The following TYW1B variants were observed in gnomAD, a reference collection of about 807,000 sequenced individuals.
TYW1B encodes the protein S-adenosyl-L-methionine-dependent tRNA 4-demethylwyosine synthase TYW1B.
A neutral mutation model predicts 86.9 loss-of-function variants in TYW1B; 73 were observed. That is an observed-to-expected ratio of 0.84 (90% CI 0.70 to 1.02). TYW1B has a LOEUF of 1.02. TYW1B is among the 50% of genes least tolerant of loss of function. The probability of loss-of-function intolerance (pLI) is 0.00; values close to 1 mark genes in which losing one functional copy is unlikely to be tolerated. For synonymous variants in TYW1B, 248 were observed against 292.8 expected (o/e 0.85, Z 1.56); for missense variants, 637 against 827.4 (o/e 0.77, Z 2.82).
intron 13 of TYW1B, among the ~76,000 whole-genome samples, chr7:72,582,600 AAC>A (rs1811181227): frequency 6.6e-6 from 1 of 152,210 alleles, no homozygotes; most frequent in African/African-American, 2.4e-5. Context: ...AATTTTAGGA[AAC>A]ACGGGATCCC....
At chr7:72,614,142 T>C (rs1363308857) in intron 13 of TYW1B, among the ~76,000 whole-genome samples, 4 of 152,148 alleles carry the variant, frequency 2.6e-5, no homozygotes, top group Admixed American at 6.6e-5. Flanking sequence ...CTTTGTTCTA[T>C]TTTTATCATT....
chr7:72,776,404 C>A (rs1409734946), intron 7 of TYW1B, among the ~76,000 whole-genome samples: 1 of 150,804 alleles, frequency 6.6e-6, no homozygotes, highest in African/African-American at 2.4e-5. Context: ...GCCAACATGG[C>A]GAAAAAATTA....
chr7:72,728,658 A>G (rs1469968745), intron 9 of TYW1B, among the ~76,000 whole-genome samples, 164 bp downstream of exon 9: 1 of 152,186 alleles, frequency 6.6e-6, no homozygotes, highest in Non-Finnish European at 1.5e-5. Context: ...GGGAAGTAAA[A>G]GCTAAAAAGG....
chr7:72,669,259 C>T (rs1813538326), intron 11 of TYW1B, among the ~76,000 whole-genome samples: 1 of 147,580 alleles, frequency 6.8e-6, no homozygotes, highest in Admixed American at 7.1e-5. Context: ...ATTCTCCTGC[C>T]TCAGCCTCCC....
chr7:72,622,642 T>G (rs1193797562), intron 12 of TYW1B, among the ~76,000 whole-genome samples: 5 of 151,436 alleles, frequency 3.3e-5, no homozygotes, highest in African/African-American at 1.2e-4. Context: ...CACACACACA[T>G]ACAGACACAT....
At chr7:72,632,422 TAA>T (rs1491572461) in intron 11 of TYW1B, among the ~76,000 whole-genome samples, 6,572 of 109,482 alleles carry the variant, frequency 0.06, 435 homozygotes, top group African/African-American at 0.12. Flanking sequence ...CATATATATA[TAA>T]AATATATATA....
intron 6 of TYW1B, among the ~76,000 whole-genome samples, chr7:72,795,544 A>G (rs1230969497): frequency 5.9e-5 from 9 of 152,170 alleles, no homozygotes; most frequent in African/African-American, 2.2e-4. Flanking sequence ...GTGTCTTGCT[A>G]TACATCTTAT....
intron 4 of TYW1B, among the ~76,000 whole-genome samples, chr7:72,809,717 A>G (rs797035290): frequency 5.9e-5 from 9 of 152,102 alleles, no homozygotes; most frequent in African/African-American, 1.9e-4. Flanking sequence ...GAGCTTGGGC[A>G]GGCTGGGCAT....
At chr7:72,774,062 CA>C (rs35480783) in intron 7 of TYW1B, among the ~76,000 whole-genome samples, 10,007 of 54,786 alleles carry the variant, frequency 0.18, 577 homozygotes, top group East Asian at 0.43. Flanking sequence ...AACTCCATCT[CA>C]AAAAAAAAAA....
intron 7 of TYW1B, among the ~76,000 whole-genome samples, chr7:72,776,620 G>A (rs560455249): frequency 7.7e-6 from 1 of 129,336 alleles, no homozygotes; most frequent in East Asian, 2.5e-4. Context: ...TAACAAAAAT[G>A]TTATTGCTAG....
At chr7:72,800,232 A>G (rs1192680631) in intron 6 of TYW1B, among the ~76,000 whole-genome samples, 2 of 151,828 alleles carry the variant, frequency 1.3e-5, no homozygotes, top group Non-Finnish European at 2.9e-5. Flanking sequence ...AGGTCTCCCA[A>G]TGTCATGCAG....
At chr7:72,749,484 G>A (rs569128892) in intron 7 of TYW1B, among the ~76,000 whole-genome samples, 3 of 152,140 alleles carry the variant, frequency 2.0e-5, no homozygotes, top group East Asian at 1.9e-4. Flanking sequence ...TAGTAGAGAC[G>A]GGGTTCACTG....
intron 11 of TYW1B, among the ~76,000 whole-genome samples, chr7:72,683,199 C>T (rs572189890): frequency 6.6e-6 from 1 of 152,270 alleles, no homozygotes; most frequent in East Asian, 1.9e-4. Flanking sequence ...ACACTCTAGC[C>T]AACCTGTCCC....
intron 9 of TYW1B, among the ~76,000 whole-genome samples, chr7:72,728,232 A>T (rs1331426107): frequency 6.6e-6 from 1 of 152,248 alleles, no homozygotes; most frequent in African/African-American, 2.4e-5. Context: ...AAAGGTTTCT[A>T]GGAAGATTGA....
At chr7:72,810,404 A>G (rs6960315) in intron 4 of TYW1B, 67 bp downstream of exon 4, 5 of 1,501,830 alleles carry the variant, frequency 3.3e-6, no homozygotes, top group Non-Finnish European at 4.5e-6. Flanking sequence ...GTGTGTGTGT[A>G]CGTGTGTGTG....
rs1261924265 is a variant in TYW1B, at chr7:72,792,259, G to A, written c.846+10141C>T. Reference sequence around the variant, plus strand: ...GGAGAATCACTTGAAACTGGGAGGCGGAAGTTGCAGTGGGCCGAGATCACA... The same window carrying A: ...GGAGAATCACTTGAAACTGGGAGGCAGAAGTTGCAGTGGGCCGAGATCACA... On this transcript the variant is annotated intron_variant, in intron 6 of 13. Coordinates refer to ENST00000620995, the MANE Select transcript of TYW1B (RefSeq NM_001145440.3). 6.0e-5 allele frequency among the ~76,000 whole-genome samples: 9 copies of A among 150,930 alleles called. No individual in the cohort carries two copies. In the East Asian group the frequency reaches 9.7e-4, roughly 16 times the overall value.
At chr7:72,617,116 A>G (rs1812095488) in intron 12 of TYW1B, among the ~76,000 whole-genome samples, 1 of 152,228 alleles carries the variant, frequency 6.6e-6, no homozygotes. Context: ...CTGTCTGGTC[A>G]CAATAATGTA....
At chr7:72,590,005 C>A (rs1364959254) in intron 13 of TYW1B, among the ~76,000 whole-genome samples, 1 of 152,190 alleles carries the variant, frequency 6.6e-6, no homozygotes, top group African/African-American at 2.4e-5. Flanking sequence ...CAGAATTCAA[C>A]TAAGTATAAA....
intron 13 of TYW1B, among the ~76,000 whole-genome samples, chr7:72,583,188 C>T (rs558956934): frequency 6.6e-6 from 1 of 152,214 alleles, no homozygotes; most frequent in African/African-American, 2.4e-5. Context: ...CAAGGTGAAA[C>T]CCCATCTCTA....
Sources: allele counts gnomAD v4.1 joint callset (sites outside exome capture counted in the v4.1 genomes callset), GRCh38; gene constraint gnomAD v4.1.1; transcripts MANE v1.5; gene names NCBI Gene and HGNC (gene_info 2026-07-23, HGNC 2026-07-21).